Variants in ENPP3 observed in about 807,000 individuals in gnomAD.
ENPP3 encodes the protein ectonucleotide pyrophosphatase/phosphodiesterase family member 3.
ENPP3 carries 104 observed loss-of-function variants against 117.8 expected under a neutral mutation model. The observed-to-expected ratio is 0.88, with a 90% confidence interval of 0.75 to 1.04. ENPP3 has a LOEUF of 1.04. ENPP3 is among the 50% of genes least tolerant of loss of function. The pLI is 0.00. For missense variants in ENPP3, 1,026 were observed against 1,051.9 expected, an observed-to-expected ratio of 0.98 and a Z score of 0.34; for synonymous variants, 380 against 349.9, an observed-to-expected ratio of 1.09 and a Z score of -0.96.
chr6:131,667,588 AT>A (rs1291754692), intron 6 of ENPP3, among the ~76,000 whole-genome samples: 1 of 152,116 alleles, frequency 6.6e-6, no homozygotes, highest in African/African-American at 2.4e-5. Context: ...GTGTGGTCCA[AT>A]TTTTTCCCCC....
At chr6:131,691,580 C>T (rs976176276) in intron 14 of ENPP3, among the ~76,000 whole-genome samples, 2 of 146,168 alleles carry the variant, frequency 1.4e-5, no homozygotes, top group Non-Finnish European at 3.0e-5. Context: ...TAGAGCAAGA[C>T]TCAGTCTCAA....
intron 23 of ENPP3, 116 bp from the exon 24 acceptor site, chr6:131,740,108 G>A (rs896537706): frequency 1.3e-6 from 1 of 744,182 alleles, no homozygotes. Flanking sequence ...GTCAAACTTA[G>A]AATTATAAGA....
intron 20 of ENPP3, among the ~76,000 whole-genome samples, chr6:131,727,321 C>T (rs549032428): frequency 1.3e-5 from 2 of 151,990 alleles, no homozygotes; most frequent in South Asian, 2.1e-4. Flanking sequence ...TTTGGGAGGC[C>T]GAGGCAGGTG....
chr6:131,663,189 G>C (rs1244285465), intron 6 of ENPP3, among the ~76,000 whole-genome samples: 2 of 151,118 alleles, frequency 1.3e-5, no homozygotes, highest in African/African-American at 2.4e-5. Flanking sequence ...GCTCAGGCTA[G>C]AAGAGTGGAC....
chr6:131,709,796 A>G, intron 15 of ENPP3: 1 of 1,613,158 alleles, frequency 6.2e-7, no homozygotes, highest in Non-Finnish European at 8.5e-7. Flanking sequence ...TCTATTCGGT[A>G]ATTTTCCTCC....
chr6:131,672,942 C>T (rs1203624804), intron 7 of ENPP3, among the ~76,000 whole-genome samples: 1 of 151,844 alleles, frequency 6.6e-6, no homozygotes, highest in Non-Finnish European at 1.5e-5. Flanking sequence ...TGGCAGGCTG[C>T]CTTTAAAATG....
chr6:131,723,738 C>T (rs1361441654), intron 18 of ENPP3, among the ~76,000 whole-genome samples: 1 of 151,834 alleles, frequency 6.6e-6, no homozygotes, highest in African/African-American at 2.4e-5. Flanking sequence ...TGTCACCCAA[C>T]TTAGTCATTG....
chr6:131,718,852 A>G (rs1219590263), intron 16 of ENPP3, 114 bp downstream of exon 16: 1 of 581,548 alleles, frequency 1.7e-6, no homozygotes, highest in Non-Finnish European at 3.1e-6. Flanking sequence ...CATACAGATT[A>G]TTTCATTACT....
chr6:131,719,636 T>C (rs1272122102), intron 16 of ENPP3, among the ~76,000 whole-genome samples: 1 of 152,180 alleles, frequency 6.6e-6, no homozygotes, highest in African/African-American at 2.4e-5. Flanking sequence ...TGTCTTAATA[T>C]ATGTATGTAT....
intron 15 of ENPP3, among the ~76,000 whole-genome samples, chr6:131,702,549 A>G (rs923272579): frequency 6.6e-6 from 1 of 151,386 alleles, no homozygotes; most frequent in Non-Finnish European, 1.5e-5. Context: ...ATTTGGGCTT[A>G]CTATTGATAA....
intron 6 of ENPP3, among the ~76,000 whole-genome samples, chr6:131,667,645 A>G (rs935096564): frequency 6.6e-6 from 1 of 152,158 alleles, no homozygotes; most frequent in Non-Finnish European, 1.5e-5. Flanking sequence ...ATCATATAGC[A>G]TCGTTCTGGG....
chr6:131,663,082 A>G (rs1778536504), intron 6 of ENPP3, among the ~76,000 whole-genome samples: 1 of 151,658 alleles, frequency 6.6e-6, no homozygotes. Flanking sequence ...CAGTATATTT[A>G]GAGCTTCAGT....
Position 131,747,005 on chromosome 6 carries a change from G to A in ENPP3, c.*49G>A. On this transcript the variant is annotated 3_prime_UTR_variant, in exon 25 of 25. Transcript: ENST00000357639. Reference sequence around the variant, plus strand: ...TAATTTACTGTATAAAGTAATTTTGGCAAAATATAAGTGATTTTTTTCTGG... The same window carrying A: ...TAATTTACTGTATAAAGTAATTTTGACAAAATATAAGTGATTTTTTTCTGG... The A allele has an allele frequency of 9.4e-7, 1 of 1,067,480 alleles. No homozygotes were observed. The highest frequency in any genetic ancestry group is 1.3e-6 in the Non-Finnish European group (1 of 784,874). The allele number at this position is 1,067,480 out of a possible 1,614,324, so 66.1% of individuals were successfully genotyped here.
At chr6:131,643,703 T>A (rs1342574723) in intron 2 of ENPP3, among the ~76,000 whole-genome samples, 1 of 152,188 alleles carries the variant, frequency 6.6e-6, no homozygotes. Context: ...TCTTACAGAT[T>A]TACCGTCATG....
intron 6 of ENPP3, 92 bp downstream of exon 6, chr6:131,658,512 C>T (rs9483311): frequency 0.17 from 121,231 of 710,416 alleles, 14,814 homozygotes; most frequent in African/African-American, 0.45. Flanking sequence ...ACTTTTAACG[C>T]TGGTGGTTTG....
At chr6:131,724,232 A>AAAAAAAAAAAAAC in intron 19 of ENPP3, 141 bp downstream of exon 19, 3 of 608,770 alleles carry the variant, frequency 4.9e-6, no homozygotes, top group African/African-American at 4.0e-5. Context: ...AAGGTAAAAA[A>AAAAAAAAAAAAAC]AAAAAAACTC....
In ENPP3 at chr6:131,685,868, T is replaced by A; in HGVS notation, c.1253-8T>A. ...TAATGTCATTTATTTCTTTTTCTTT[T>A]GAAACAGTTAATTCTGAGGAAATTG... On this transcript the variant is annotated splice_polypyrimidine_tract_variant and splice_region_variant and intron_variant, in intron 13 of 24. Coordinates refer to ENST00000357639, the MANE Select transcript of ENPP3 (RefSeq NM_005021.5). 1 of 949,720 alleles carries A rather than the reference T, an allele frequency of 1.1e-6. No individual in the cohort carries two copies. 58.8% of individuals were successfully genotyped at this position (949,720 alleles called of 1,614,324 possible). A position where few individuals can be genotyped will look rare whatever the true frequency, so the allele number is the denominator to read the frequency against.
chr6:131,668,591 T>A (rs1305727279), intron 6 of ENPP3, among the ~76,000 whole-genome samples: 2 of 152,196 alleles, frequency 1.3e-5, no homozygotes, highest in East Asian at 3.8e-4. Context: ...CTTCTTATAG[T>A]TCCTAGTTAC....
intron 5 of ENPP3, among the ~76,000 whole-genome samples, chr6:131,653,974 C>T (rs1778320968): frequency 1.3e-5 from 2 of 152,102 alleles, no homozygotes; most frequent in Admixed American, 1.3e-4. Flanking sequence ...CATGGATTCC[C>T]CATTTCTCCA....
Sources: allele counts gnomAD v4.1 joint callset (sites outside exome capture counted in the v4.1 genomes callset), GRCh38; gene constraint gnomAD v4.1.1; transcripts MANE v1.5; gene names NCBI Gene and HGNC (gene_info 2026-07-23, HGNC 2026-07-21).